Variants in LRIF1 observed in about 807,000 individuals in gnomAD.
LRIF1 encodes the protein ligand-dependent nuclear receptor-interacting factor 1.
LRIF1 carries 32 observed loss-of-function variants against 52.7 expected under a neutral mutation model. That is an observed-to-expected ratio of 0.61 (90% CI 0.46 to 0.82). LRIF1 has a LOEUF of 0.82. Among genes scored for constraint, LRIF1 ranks in the 40% least tolerant of loss-of-function variants. LRIF1 has a pLI of 0.00. For missense variants in LRIF1, 887 were observed against 892.0 expected (o/e 0.99, Z 0.07); for synonymous variants, 323 against 317.4 (o/e 1.02, Z -0.19).
the LRIF1 span, among the ~76,000 whole-genome samples, chr1:110,933,602 G>A: frequency 1.3e-5 from 2 of 152,080 alleles, no homozygotes; most frequent in Non-Finnish European, 1.5e-5. Context: ...TGGAGAAAAC[G>A]AAACTCACCT....
chr1:110,934,582 G>A, the LRIF1 span, among the ~76,000 whole-genome samples: 10 of 152,238 alleles, frequency 6.6e-5, no homozygotes, highest in Non-Finnish European at 1.3e-4. Flanking sequence ...TGTGGTGGCA[G>A]TGGCTACAGC....
chr1:110,934,401 G>C, the LRIF1 span, among the ~76,000 whole-genome samples: 1 of 152,196 alleles, frequency 6.6e-6, no homozygotes, highest in Non-Finnish European at 1.5e-5. Flanking sequence ...TGGGTTCCCC[G>C]ATTCCAGGAT....
At chr1:110,950,935 A>C (rs938968536) in intron 2 of LRIF1, among the ~76,000 whole-genome samples, 2 of 152,220 alleles carry the variant, frequency 1.3e-5, no homozygotes, top group East Asian at 3.8e-4. Context: ...ACATACATAT[A>C]TACATGTATG....
At chr1:110,887,844 A>T in the LRIF1 span, among the ~76,000 whole-genome samples, 1 of 152,214 alleles carries the variant, frequency 6.6e-6, no homozygotes. Flanking sequence ...CTTAATGGAC[A>T]CTTTGGTAGA....
At chr1:110,911,586 C>T in the LRIF1 span, among the ~76,000 whole-genome samples, 1 of 152,038 alleles carries the variant, frequency 6.6e-6, no homozygotes. Flanking sequence ...CTGATGAACA[C>T]AAACACAAAA....
At chr1:110,954,274 T>A (rs1026830549) in intron 1 of LRIF1, among the ~76,000 whole-genome samples, 1 of 152,086 alleles carries the variant, frequency 6.6e-6, no homozygotes, top group Non-Finnish European at 1.5e-5. Flanking sequence ...AAATATTACA[T>A]TGACATTTTG....
the LRIF1 span, among the ~76,000 whole-genome samples, chr1:110,925,487 C>T: frequency 6.6e-6 from 1 of 151,952 alleles, no homozygotes; most frequent in Non-Finnish European, 1.5e-5. Flanking sequence ...CTGTAGAACC[C>T]GGACCAATAC....
At chr1:110,930,848 A>G in the LRIF1 span, among the ~76,000 whole-genome samples, 4 of 152,146 alleles carry the variant, frequency 2.6e-5, no homozygotes, top group Admixed American at 2.6e-4. Context: ...AGAATATCCT[A>G]TTCAAAACCA....
the LRIF1 span, among the ~76,000 whole-genome samples, chr1:110,906,127 C>T: frequency 6.6e-5 from 10 of 151,772 alleles, no homozygotes; most frequent in African/African-American, 2.4e-4. Flanking sequence ...GACCACAAAA[C>T]AACTAGATAA....
At chr1:110,959,395 T>C (rs1028090097) in intron 1 of LRIF1, among the ~76,000 whole-genome samples, 1 of 152,186 alleles carries the variant, frequency 6.6e-6, no homozygotes, top group East Asian at 1.9e-4. Flanking sequence ...ACAGTTATCA[T>C]CTTCCATTAA....
chr1:110,902,247 C>CT, the LRIF1 span, among the ~76,000 whole-genome samples: 1 of 152,126 alleles, frequency 6.6e-6, no homozygotes, highest in Non-Finnish European at 1.5e-5. Flanking sequence ...TTTATTATAG[C>CT]TGTCAAGCCC....
chr1:110,962,676 C>T (rs1416805807), intron 1 of LRIF1, among the ~76,000 whole-genome samples: 1 of 152,164 alleles, frequency 6.6e-6, no homozygotes, highest in Admixed American at 6.5e-5. Context: ...AGACTGGAAA[C>T]AGGTACCTGG....
At chr1:110,913,629 C>T in the LRIF1 span, among the ~76,000 whole-genome samples, 1 of 151,926 alleles carries the variant, frequency 6.6e-6, no homozygotes, top group Non-Finnish European at 1.5e-5. Context: ...ATTACTAAAA[C>T]GTCAAAAAAC....
chr1:110,956,706 G>T (rs1658713609), intron 1 of LRIF1, among the ~76,000 whole-genome samples: 1 of 152,282 alleles, frequency 6.6e-6, no homozygotes, highest in Admixed American at 6.5e-5. Context: ...TAAAGATGAG[G>T]TGACAAAGAG....
At chr1:110,914,899 G>A in the LRIF1 span, among the ~76,000 whole-genome samples, 2 of 152,194 alleles carry the variant, frequency 1.3e-5, no homozygotes, top group African/African-American at 4.8e-5. Context: ...ACCACAGTAT[G>A]TCATTACATA....
At chr1:110,959,918 A>G (rs1658876327) in intron 1 of LRIF1, among the ~76,000 whole-genome samples, 1 of 152,108 alleles carries the variant, frequency 6.6e-6, no homozygotes, top group Admixed American at 6.5e-5. Context: ...ATATTTTTGC[A>G]AAATATATTT....
At chr1:110,932,130 G>A in the LRIF1 span, among the ~76,000 whole-genome samples, 3 of 152,198 alleles carry the variant, frequency 2.0e-5, no homozygotes, top group African/African-American at 4.8e-5. Flanking sequence ...TTACATTTAA[G>A]TCTTCAATCC....
the LRIF1 span, chr1:110,899,033 T>C: frequency 6.6e-6 from 6 of 903,788 alleles, no homozygotes; most frequent in East Asian, 1.5e-4. Flanking sequence ...GTGTAATGGA[T>C]ACATTCTTTT....
the LRIF1 span, chr1:110,937,527 AC>A: frequency 6.6e-6 from 1 of 152,112 alleles, no homozygotes; most frequent in Non-Finnish European, 1.5e-5. Flanking sequence ...ATTTCTTGAA[AC>A]AAGTGATAAT....
Sources: allele counts gnomAD v4.1 joint callset (sites outside exome capture counted in the v4.1 genomes callset), GRCh38; gene constraint gnomAD v4.1.1; transcripts MANE v1.5; gene names NCBI Gene and HGNC (gene_info 2026-07-23, HGNC 2026-07-21).